Variants in MSRA observed in about 807,000 individuals in gnomAD.
MSRA encodes the protein methionine sulfoxide reductase A.
Under a neutral mutation model 31.3 loss-of-function variants are expected in MSRA, and 54 were observed. The observed-to-expected ratio is 1.73, with a 90% CI of 1.39 to 2.17. The LOEUF (loss-of-function observed/expected upper bound fraction) is 2.17, where lower values mean the gene tolerates loss of function less well. Among genes scored for constraint, MSRA ranks in the 30% most tolerant of loss-of-function variants. The pLI is 0.00. For synonymous variants in MSRA, 169 were observed against 116.5 expected, an observed-to-expected ratio of 1.45 and a Z score of -2.90; for missense variants, 507 against 300.9, an observed-to-expected ratio of 1.69 and a Z score of -5.07.
At chr8:10,215,101 A>AGG (rs977491605) in intron 2 of MSRA, among the ~76,000 whole-genome samples, 29 of 152,314 alleles carry the variant, frequency 1.9e-4, no homozygotes, top group Middle Eastern at 3.4e-3. Flanking sequence ...TCCATTGTAG[A>AGG]GGGGAGTAAG....
intron 5 of MSRA, among the ~76,000 whole-genome samples, chr8:10,424,034 G>A (rs925265552): frequency 3.9e-5 from 6 of 152,342 alleles, no homozygotes; most frequent in South Asian, 2.1e-4. Flanking sequence ...GTAATGCAGC[G>A]TCATCAGCGC....
intron 1 of MSRA, among the ~76,000 whole-genome samples, chr8:10,070,884 T>A (rs1167699385): frequency 6.6e-6 from 1 of 152,204 alleles, no homozygotes; most frequent in African/African-American, 2.4e-5. Flanking sequence ...TGTACCACAG[T>A]TTAACCATTC....
At chr8:10,142,104 C>T (rs566661226) in intron 1 of MSRA, among the ~76,000 whole-genome samples, 1 of 152,204 alleles carries the variant, frequency 6.6e-6, no homozygotes, top group East Asian at 1.9e-4. Context: ...GATTACAGGC[C>T]TTTGCCACCA....
intron 1 of MSRA, among the ~76,000 whole-genome samples, chr8:10,094,002 G>A (rs897931576): frequency 5.9e-5 from 9 of 152,120 alleles, no homozygotes; most frequent in Admixed American, 3.3e-4. Flanking sequence ...TTCCTTGCAC[G>A]TGATGAGTCG....
chr8:10,339,466 G>T (rs1226862233), intron 5 of MSRA, among the ~76,000 whole-genome samples: 1 of 148,526 alleles, frequency 6.7e-6, no homozygotes, highest in Admixed American at 6.7e-5. Flanking sequence ...TGTCTGTCCT[G>T]TTCTTCGTGG....
intron 2 of MSRA, among the ~76,000 whole-genome samples, chr8:10,239,280 G>C (rs780804086): frequency 6.6e-6 from 1 of 152,026 alleles, no homozygotes; most frequent in Non-Finnish European, 1.5e-5. Flanking sequence ...TTCTGCCTCA[G>C]CCTCATGAGT....
At chr8:10,417,213 T>C (rs918452256) in intron 5 of MSRA, among the ~76,000 whole-genome samples, 3 of 152,160 alleles carry the variant, frequency 2.0e-5, no homozygotes, top group Non-Finnish European at 2.9e-5. Context: ...GTCAGTGAGC[T>C]CCGATGGGGG....
intron 2 of MSRA, among the ~76,000 whole-genome samples, chr8:10,208,845 C>G (rs1031358241): frequency 6.6e-6 from 1 of 152,208 alleles, no homozygotes; most frequent in African/African-American, 2.4e-5. Flanking sequence ...TGATGGTAAT[C>G]TCCTTTGAGG....
At chr8:10,104,949 G>T (rs924002008) in intron 1 of MSRA, among the ~76,000 whole-genome samples, 1 of 152,262 alleles carries the variant, frequency 6.6e-6, no homozygotes, top group South Asian at 2.1e-4. Flanking sequence ...CCAACAGTTG[G>T]TAGTACCAGA....
At chr8:10,349,391 G>A (rs535976793) in intron 5 of MSRA, among the ~76,000 whole-genome samples, 14 of 151,098 alleles carry the variant, frequency 9.3e-5, no homozygotes, top group South Asian at 4.2e-4. Context: ...CACACGTACC[G>A]TTGCCTTTGC....
intron 1 of MSRA, among the ~76,000 whole-genome samples, chr8:10,123,080 T>C (rs538953003): frequency 5.3e-5 from 8 of 152,374 alleles, no homozygotes; most frequent in Middle Eastern, 3.4e-3. Context: ...ATAGCAGTTC[T>C]GTTTTTAGCT....
chr8:10,117,598 C>A (rs1412142031), intron 1 of MSRA, among the ~76,000 whole-genome samples: 1 of 152,094 alleles, frequency 6.6e-6, no homozygotes, highest in African/African-American at 2.4e-5. Context: ...AATTAAGTAT[C>A]TTTTATATAT....
At chr8:10,198,711 A>G (rs1205891003) in intron 1 of MSRA, among the ~76,000 whole-genome samples, 2 of 152,136 alleles carry the variant, frequency 1.3e-5, no homozygotes, top group African/African-American at 4.8e-5. Flanking sequence ...GCAGCTTCTA[A>G]CTACTGGGCT....
chr8:10,068,313 T>TTG (rs1797562814), intron 1 of MSRA, among the ~76,000 whole-genome samples: 1 of 152,248 alleles, frequency 6.6e-6, no homozygotes, highest in African/African-American at 2.4e-5. Context: ...AGGAGAAGTT[T>TTG]TTAATTTAAA....
At chr8:10,197,996 T>C (rs1309242903) in intron 1 of MSRA, among the ~76,000 whole-genome samples, 2 of 152,134 alleles carry the variant, frequency 1.3e-5, no homozygotes, top group Non-Finnish European at 2.9e-5. Context: ...GTGACTGCTT[T>C]CTCTTTCCTG....
At chr8:10,397,144 T>C (rs1807146231) in intron 5 of MSRA, among the ~76,000 whole-genome samples, 1 of 152,206 alleles carries the variant, frequency 6.6e-6, no homozygotes, top group African/African-American at 2.4e-5. Context: ...GGCTTCACCT[T>C]TGTCTCCCGG....
chr8:10,313,427 C>T (rs1410717074), intron 4 of MSRA, among the ~76,000 whole-genome samples: 1 of 150,782 alleles, frequency 6.6e-6, no homozygotes, highest in African/African-American at 2.4e-5. Flanking sequence ...ACTTATTTAC[C>T]AGGAACTGGT....
chr8:10,276,025 G>A (rs1799302543), intron 3 of MSRA, among the ~76,000 whole-genome samples: 1 of 152,208 alleles, frequency 6.6e-6, no homozygotes, highest in African/African-American at 2.4e-5. Context: ...AACACTGGCT[G>A]GTGTTTACAC....
chr8:10,064,594 A>G (rs1264611765), intron 1 of MSRA, among the ~76,000 whole-genome samples: 1 of 152,226 alleles, frequency 6.6e-6, no homozygotes, highest in Non-Finnish European at 1.5e-5. Context: ...AAATTTAGGA[A>G]CATCGGATGT....
Sources: gnomAD v4.1 joint callset for allele counts (sites outside exome capture counted in the v4.1 genomes callset) on GRCh38, gnomAD v4.1.1 for gene constraint, MANE v1.5 for transcripts, NCBI Gene and HGNC (gene_info 2026-07-23, HGNC 2026-07-21) for gene names.